The following QKI variants were observed in gnomAD, a reference collection of about 807,000 sequenced individuals.
QKI encodes QKI, KH domain containing RNA binding, also known as KH domain-containing RNA-binding protein QKI.
In QKI, 10 loss-of-function variants were observed where a neutral mutation model predicts 39.0. That is an observed-to-expected ratio of 0.26 (90% CI 0.16 to 0.43). The LOEUF (loss-of-function observed/expected upper bound fraction) is 0.43. Ranked by LOEUF, QKI falls within the 20% of genes least tolerant of loss-of-function variation. The pLI is 1.00. For missense variants in QKI, 218 were observed against 428.0 expected (o/e 0.51, Z 4.33); for synonymous variants, 204 against 155.4 (o/e 1.31, Z -2.33).
At chr6:163,490,079 A>G (rs1583082738) in intron 3 of QKI, among the ~76,000 whole-genome samples, 1 of 152,194 alleles carries the variant, frequency 6.6e-6, no homozygotes, top group Non-Finnish European at 1.5e-5. Flanking sequence ...ATCAACTTTC[A>G]TGAATCCAAT....
At chr6:163,532,435 C>CT (rs1780924854) in intron 3 of QKI, among the ~76,000 whole-genome samples, 1 of 152,212 alleles carries the variant, frequency 6.6e-6, no homozygotes, top group African/African-American at 2.4e-5. Flanking sequence ...GTATGCCAGA[C>CT]TTTTACCTTG....
At chr6:163,490,507 A>G (rs1777985748) in intron 3 of QKI, among the ~76,000 whole-genome samples, 1 of 152,134 alleles carries the variant, frequency 6.6e-6, no homozygotes. Context: ...GGAGTTTACC[A>G]GGCAAATAAG....
At chr6:163,499,490 G>A (rs1778612551) in intron 3 of QKI, among the ~76,000 whole-genome samples, 1 of 152,188 alleles carries the variant, frequency 6.6e-6, no homozygotes, top group South Asian at 2.1e-4. Context: ...GACACTTTGT[G>A]ACATTAAGTG....
At chr6:163,425,558 C>T (rs531609279) in intron 1 of QKI, among the ~76,000 whole-genome samples, 3 of 152,234 alleles carry the variant, frequency 2.0e-5, no homozygotes, top group Admixed American at 1.3e-4. Flanking sequence ...CTATTATATA[C>T]GTGGCTAACC....
intron 2 of QKI, 58 bp downstream of exon 2, chr6:163,455,479 G>C: frequency 4.1e-6 from 6 of 1,471,418 alleles, no homozygotes; most frequent in Non-Finnish European, 5.6e-6. Context: ...GTTGGGAAGA[G>C]ATATATTTGG....
At chr6:163,553,556 A>G (rs757815823) in intron 4 of QKI, among the ~76,000 whole-genome samples, 96 of 152,166 alleles carry the variant, frequency 6.3e-4, no homozygotes, top group Admixed American at 1.4e-3. Context: ...TTAATCTATA[A>G]ATTGATGTGG....
intron 2 of QKI, among the ~76,000 whole-genome samples, chr6:163,464,136 C>T (rs1791555643): frequency 6.6e-6 from 1 of 152,150 alleles, no homozygotes; most frequent in Non-Finnish European, 1.5e-5. Flanking sequence ...TCTTGCAGGT[C>T]ATTCTCTGAA....
intron 2 of QKI, among the ~76,000 whole-genome samples, chr6:163,475,871 T>G (rs969213693): frequency 2.0e-5 from 3 of 152,130 alleles, no homozygotes; most frequent in African/African-American, 7.2e-5. Flanking sequence ...AAGATAAGGT[T>G]GAAAATTTGA....
intron 2 of QKI, among the ~76,000 whole-genome samples, chr6:163,475,236 G>C (rs183032156): frequency 6.6e-6 from 1 of 152,298 alleles, no homozygotes; most frequent in Admixed American, 6.5e-5. Flanking sequence ...ACTGTCAGCT[G>C]TTTGTATCCT....
chr6:163,505,498 C>G (rs1457969682), intron 3 of QKI, among the ~76,000 whole-genome samples: 1 of 152,202 alleles, frequency 6.6e-6, no homozygotes. Flanking sequence ...GGGAGCCCAT[C>G]CCTTGCAACA....
intron 4 of QKI, among the ~76,000 whole-genome samples, chr6:163,549,426 C>G (rs2128245795): frequency 1.3e-5 from 2 of 152,190 alleles, no homozygotes; most frequent in Middle Eastern, 6.8e-3. Context: ...CCTGAAAACA[C>G]TGCGCTGGGC....
At chr6:163,562,163 A>G in intron 5 of QKI, 94 bp downstream of exon 5, 2 of 763,278 alleles carry the variant, frequency 2.6e-6, no homozygotes, top group Non-Finnish European at 4.0e-6. Context: ...TAGTTCATAC[A>G]AAGTGAACAG....
chr6:163,556,523 AAC>A lies in QKI; in HGVS notation c.547-5457_547-5456del, dbSNP rs1241967726. On this transcript the variant is annotated intron_variant, in intron 4 of 7. Transcript: ENST00000361752. ...CACCTCAAAAAAAAAAAAAAAAAAA[AAC>A]AACAAACAACAGAAAAGGCATAGTT... Among the ~76,000 whole-genome samples, 15 of 148,698 alleles carry A rather than the reference AAC, an allele frequency of 1.0e-4. No individual in the cohort carries two copies. In the East Asian group the frequency reaches 1.4e-3, roughly 13 times the overall value.
Position 163,578,175 on chromosome 6 carries a change from T to G in QKI, c.*7465T>G, listed in dbSNP as rs1213289757. ...ATTGGGATGAAAATCTACTGTAGTC[T>G]GTTTTAAAGTATGCTATACTATGTT... On this transcript the variant is annotated 3_prime_UTR_variant, in exon 8 of 8. Coordinates refer to ENST00000361752, the MANE Select transcript of QKI (RefSeq NM_006775.3). 1 of 152,228 alleles carries G rather than the reference T, an allele frequency of 6.6e-6. No individual in the cohort carries two copies. Among genetic ancestry groups the G allele is most frequent in the Non-Finnish European group, 1.5e-5 (1 of 68,034 alleles). The allele number at this position is 152,228 out of a possible 1,614,324, so 9.4% of individuals were successfully genotyped here. A position where few individuals can be genotyped will look rare whatever the true frequency, so the allele number is the denominator to read the frequency against.
chr6:163,534,908 A>G (rs1000284971), intron 3 of QKI, 74 bp from the exon 4 acceptor site: 250 of 1,128,354 alleles, frequency 2.2e-4, no homozygotes, highest in Non-Finnish European at 2.9e-4. Flanking sequence ...AATTGACAAC[A>G]GGTTAGTATT....
chr6:163,532,819 T>G (rs1780944574), intron 3 of QKI, among the ~76,000 whole-genome samples: 1 of 152,184 alleles, frequency 6.6e-6, no homozygotes, highest in Non-Finnish European at 1.5e-5. Flanking sequence ...GCTGCCTCGG[T>G]TTCCCTGGAC....
At chr6:163,547,020 T>A (rs1332984107) in intron 4 of QKI, among the ~76,000 whole-genome samples, 3 of 151,872 alleles carry the variant, frequency 2.0e-5, no homozygotes, top group Non-Finnish European at 4.4e-5. Flanking sequence ...CAAACTGACA[T>A]GGCCTCAGCT....
intron 2 of QKI, among the ~76,000 whole-genome samples, chr6:163,461,352 TTAAA>T (rs1301644343): frequency 1.3e-5 from 2 of 152,192 alleles, no homozygotes; most frequent in African/African-American, 2.4e-5. Flanking sequence ...TAACATTTCT[TTAAA>T]TAATAAGGCC....
chr6:163,415,399 G>T, intron 1 of QKI, 64 bp downstream of exon 1: 1 of 1,505,308 alleles, frequency 6.6e-7, no homozygotes, highest in Non-Finnish European at 9.0e-7. Context: ...TTCCCCGCTT[G>T]GGATGGTGGG....
Sources: gnomAD v4.1 joint callset for allele counts (sites outside exome capture counted in the v4.1 genomes callset) on GRCh38, gnomAD v4.1.1 for gene constraint, MANE v1.5 for transcripts, NCBI Gene and HGNC (gene_info 2026-07-23, HGNC 2026-07-21) for gene names.